SNTG2: variants seen among roughly 807,000 people sequenced by gnomAD.
SNTG2 encodes gamma-2-syntrophin.
In SNTG2, 74 loss-of-function variants were observed where a neutral mutation model predicts 70.9. The ratio of observed to expected loss-of-function variants is 1.04; its 90% CI spans 0.86 to 1.27. The LOEUF is 1.27. Among genes scored for constraint, SNTG2 ranks in the 50% most tolerant of loss-of-function variants. The pLI is 0.00. For synonymous variants in SNTG2, 278 were observed against 273.8 expected (o/e 1.02, Z -0.15); for missense variants, 717 against 690.7 (o/e 1.04, Z -0.43).
chr2:1,021,184 A>G (rs1660150934), intron 1 of SNTG2, among the ~76,000 whole-genome samples: 1 of 152,116 alleles, frequency 6.6e-6, no homozygotes, highest in Admixed American at 6.6e-5. Context: ...TAATTTTTTG[A>G]GTATTATTAC....
intron 1 of SNTG2, among the ~76,000 whole-genome samples, chr2:1,037,280 G>T (rs1444336986): frequency 1.3e-5 from 2 of 152,158 alleles, no homozygotes; most frequent in Non-Finnish European, 2.9e-5. Flanking sequence ...GCTAACACCC[G>T]AGGCTATTCC....
chr2:997,116 C>A (rs1225902431), intron 1 of SNTG2, among the ~76,000 whole-genome samples: 1 of 151,894 alleles, frequency 6.6e-6, no homozygotes. Flanking sequence ...GGGAAGAAGT[C>A]AAAGAAATAA....
At chr2:1,158,921 G>T (rs959486699) in intron 6 of SNTG2, among the ~76,000 whole-genome samples, 1 of 152,178 alleles carries the variant, frequency 6.6e-6, no homozygotes, top group African/African-American at 2.4e-5. Context: ...GTTGACAACA[G>T]CAAGGTCTAA....
At chr2:1,009,677 T>A (rs1659670779) in intron 1 of SNTG2, among the ~76,000 whole-genome samples, 1 of 121,534 alleles carries the variant, frequency 8.2e-6, no homozygotes, top group African/African-American at 3.3e-5. Context: ...GACTGCTGGT[T>A]CTGATACTGG....
rs183865476 is a variant in SNTG2, at chr2:1,115,628, G to A, written c.325+17218G>A. On this transcript the variant is annotated intron_variant, in intron 4 of 16. Transcript: ENST00000308624. ...TTGAGAAGAATCGTATGTACTAAGT[G>A]AGGTTTAACCCTTACAGTCCTTTGA... 2.4e-4 allele frequency among the ~76,000 whole-genome samples: 37 copies of A among 152,014 alleles called. 1 individual carries two copies. Among genetic ancestry groups the A allele is most frequent in the Admixed American group, 1.2e-3 (18 of 15,284 alleles).
chr2:1,244,222 A>G lies in SNTG2; in HGVS notation c.889-3105A>G, dbSNP rs138103141. ...TTAAAGACTCTCAGACCACGTTGGC[A>G]GGGACCTGCAGAAGGGGATGTGTTC... is the stretch of plus-strand genomic sequence containing the variant. On this transcript the variant is annotated intron_variant, in intron 11 of 16. Transcript: ENST00000308624. Among the ~76,000 whole-genome samples the G allele has an allele frequency of 5.3e-3, 805 of 152,372 alleles. 3 individuals carry two copies. The highest frequency in any genetic ancestry group is 0.018 in the African/African-American group (753 of 41,600).
chr2:1,362,738 G>C (rs112262157), intron 16 of SNTG2, among the ~76,000 whole-genome samples: 1 of 141,518 alleles, frequency 7.1e-6, no homozygotes, highest in Admixed American at 7.0e-5. Flanking sequence ...AGTCACCGAC[G>C]CTGAGCATTT....
rs72116428 is a variant in SNTG2, at chr2:1,155,178, C to CACACACACACACA, written c.412-10370_412-10369insACACACACACACA. ...ACACACACACACGTAGACCCCCCCCCCACACACATATATAGACCACACACA... is the reference window on the plus strand; with the variant it reads ...ACACACACACACGTAGACCCCCCCCCACACACACACACACACACACATATATAGACCACACACA... On this transcript the variant is annotated intron_variant, in intron 6 of 16. Transcript: ENST00000308624. 2.0e-5 allele frequency among the ~76,000 whole-genome samples: 3 copies of CACACACACACACA among 150,372 alleles called. No homozygotes were observed. In the South Asian group the frequency reaches 6.3e-4, roughly 32 times the overall value.
intron 4 of SNTG2, among the ~76,000 whole-genome samples, chr2:1,135,257 AT>A (rs1668304173): frequency 6.6e-6 from 1 of 152,094 alleles, no homozygotes; most frequent in African/African-American, 2.4e-5. Flanking sequence ...CTGGACAGTC[AT>A]TTTTTTCTGC....
chr2:1,020,950 T>A (rs74732692), intron 1 of SNTG2, among the ~76,000 whole-genome samples: 277 of 152,334 alleles, frequency 1.8e-3, no homozygotes, highest in African/African-American at 6.3e-3. Flanking sequence ...TCATTGAACC[T>A]GGAAAAATGG....
chr2:1,192,090 C>T lies in SNTG2; in HGVS notation c.592-17013C>T, dbSNP rs549497069. Among the ~76,000 whole-genome samples, 19 of 152,234 alleles carry T rather than the reference C, an allele frequency of 1.2e-4. 1 individual carries two copies. Among genetic ancestry groups the T allele is most frequent in the African/African-American group, 4.6e-4 (19 of 41,538 alleles). ...TAAAAATGAAGTAGTTGTATATAAA[C>T]AGCAGCTCTGTTAAGAACCACGCAT... On this transcript the variant is annotated intron_variant, in intron 8 of 16. Coordinates refer to ENST00000308624, the MANE Select transcript of SNTG2 (RefSeq NM_018968.4).
intron 8 of SNTG2, among the ~76,000 whole-genome samples, chr2:1,201,544 T>G (rs1221659636): frequency 1.3e-5 from 2 of 151,872 alleles, no homozygotes; most frequent in African/African-American, 4.8e-5. Context: ...GAAATGCATA[T>G]TTCAAATGCT....
At chr2:1,002,284 C>G (rs572671088) in intron 1 of SNTG2, among the ~76,000 whole-genome samples, 1 of 151,998 alleles carries the variant, frequency 6.6e-6, no homozygotes, top group Non-Finnish European at 1.5e-5. Context: ...TGCTTCTGCA[C>G]AGTGAAAGAC....
At chr2:1,319,069 AG>A (rs1681411940) in intron 16 of SNTG2, among the ~76,000 whole-genome samples, 1 of 152,242 alleles carries the variant, frequency 6.6e-6, no homozygotes, top group Non-Finnish European at 1.5e-5. Context: ...CATCAGTATC[AG>A]GTCACCTAAG....
chr2:977,285 C>T (rs556841201), intron 1 of SNTG2, among the ~76,000 whole-genome samples: 10 of 152,270 alleles, frequency 6.6e-5, no homozygotes, highest in Admixed American at 1.3e-4. Context: ...ATTTGCCCTG[C>T]GTTAGAAGAT....
chr2:1,100,220 G>A (rs1665694412), intron 4 of SNTG2, among the ~76,000 whole-genome samples: 1 of 151,970 alleles, frequency 6.6e-6, no homozygotes, highest in Admixed American at 6.6e-5. Context: ...AGGCTGGAGT[G>A]CAGAGGCGCG....
rs767484522 is a variant in SNTG2 at position 1,073,674 on chromosome 2, T to G, written c.73-9844T>G. ...ACACACTACATAGGAAAGTAGTCAT[T>G]TAAGTAGATGTAATAACATTATATC... On this transcript the variant is annotated intron_variant, in intron 1 of 16. Coordinates refer to ENST00000308624, the MANE Select transcript of SNTG2 (RefSeq NM_018968.4). 1.2e-4 allele frequency among the ~76,000 whole-genome samples: 19 copies of G among 152,222 alleles called. 1 individual carries two copies. The highest frequency in any genetic ancestry group is 2.5e-4 in the Non-Finnish European group (17 of 68,050).
At chr2:1,333,887 A>T (rs1216574028) in intron 16 of SNTG2, among the ~76,000 whole-genome samples, 1 of 152,210 alleles carries the variant, frequency 6.6e-6, no homozygotes, top group Non-Finnish European at 1.5e-5. Context: ...GGCCAATGAG[A>T]GTTCATGACC....
chr2:1,270,914 G>T (rs904696641), intron 14 of SNTG2, among the ~76,000 whole-genome samples: 2 of 152,132 alleles, frequency 1.3e-5, no homozygotes, highest in Non-Finnish European at 1.5e-5. Context: ...AGTGATTAGC[G>T]TGTTCATTCC....
Sources: gnomAD v4.1 joint callset for allele counts (sites outside exome capture counted in the v4.1 genomes callset) on GRCh38, gnomAD v4.1.1 for gene constraint, MANE v1.5 for transcripts, NCBI Gene and HGNC (gene_info 2026-07-23, HGNC 2026-07-21) for gene names.